The following RERE variants were observed in gnomAD, a reference collection of about 807,000 sequenced individuals.
RERE encodes arginine-glutamic acid dipeptide repeats protein.
RERE carries 40 observed loss-of-function variants against 146.1 expected under a neutral mutation model. That is an observed-to-expected ratio of 0.27 (90% CI 0.21 to 0.36). The LOEUF (loss-of-function observed/expected upper bound fraction) is 0.36, where lower values mean the gene tolerates loss of function less well. Among genes scored for constraint, RERE ranks in the 10% least tolerant of loss-of-function variants. The pLI is 1.00. For synonymous variants in RERE, 1,003 were observed against 866.0 expected, an observed-to-expected ratio of 1.16 and a Z score of -2.78; for missense variants, 1,933 against 2,138.7, an observed-to-expected ratio of 0.90 and a Z score of 1.90.
At chr1:8,800,162 A>T (rs902724198) in intron 1 of RERE, among the ~76,000 whole-genome samples, 27 of 151,724 alleles carry the variant, frequency 1.8e-4, no homozygotes, top group African/African-American at 6.5e-4. Context: ...TCTTCTCCCA[A>T]TGTGGCCCAG....
chr1:8,391,208 C>G (rs1268272754), intron 12 of RERE, among the ~76,000 whole-genome samples: 1 of 152,240 alleles, frequency 6.6e-6, no homozygotes, highest in African/African-American at 2.4e-5. Context: ...ACAGCATGGA[C>G]TTTAAAGCCA....
intron 11 of RERE, among the ~76,000 whole-genome samples, chr1:8,464,123 CTT>C (rs1644563686): frequency 6.6e-6 from 1 of 152,198 alleles, no homozygotes; most frequent in East Asian, 1.9e-4. Context: ...GTTTCTTTCT[CTT>C]TAATAATAAC....
intron 2 of RERE, among the ~76,000 whole-genome samples, chr1:8,635,837 G>C (rs1647091628): frequency 2.0e-5 from 3 of 152,180 alleles, no homozygotes; most frequent in Non-Finnish European, 4.4e-5. Flanking sequence ...TGCCACGTAA[G>C]TGCTGGAGAT....
chr1:8,577,191 T>G (rs374951711), intron 4 of RERE, among the ~76,000 whole-genome samples: 13 of 151,800 alleles, frequency 8.6e-5, no homozygotes, highest in African/African-American at 3.1e-4. Context: ...AAGAAAGAAA[T>G]TTCATATGAC....
chr1:8,591,407 C>A (rs1646491184), intron 4 of RERE, among the ~76,000 whole-genome samples: 1 of 151,116 alleles, frequency 6.6e-6, no homozygotes, highest in Admixed American at 6.6e-5. Flanking sequence ...TTGCAAATGG[C>A]CATCAGCACT....
intron 1 of RERE, among the ~76,000 whole-genome samples, chr1:8,713,991 T>C (rs573476119): frequency 1.3e-5 from 2 of 152,150 alleles, no homozygotes; most frequent in African/African-American, 2.4e-5. Context: ...AAAATACACA[T>C]AGCACATGAA....
At chr1:8,557,577 G>A in intron 4 of RERE, 54 bp from the exon 5 acceptor site, 2 of 1,178,454 alleles carry the variant, frequency 1.7e-6, no homozygotes, top group Non-Finnish European at 1.3e-6. Flanking sequence ...GGCCACAAGT[G>A]CATATCATAC....
Position 8,720,703 on chromosome 1 carries a change from A to G in RERE, c.-144-64262T>C, listed in dbSNP as rs537871791. 9.8e-5 allele frequency among the ~76,000 whole-genome samples: 15 copies of G among 152,338 alleles called. No individual in the cohort carries two copies. The South Asian group carries it at 3.1e-3, about 32-fold the overall frequency. On this transcript the variant is annotated intron_variant, in intron 1 of 22. Coordinates refer to ENST00000400908, the MANE Select transcript of RERE (RefSeq NM_001042681.2). ...TATAATTGTATAACCCCAAGAGTAG[A>G]CAAGAAGCACACATCCCAAAATACG...
intron 3 of RERE, among the ~76,000 whole-genome samples, chr1:8,623,322 G>A (rs762817063): frequency 1.7e-4 from 26 of 152,054 alleles, no homozygotes; most frequent in Non-Finnish European, 3.7e-4. Flanking sequence ...GTACTGGCAC[G>A]CACCTGTAAT....
chr1:8,772,076 AAAT>A (rs1172929543), intron 1 of RERE, among the ~76,000 whole-genome samples: 2 of 152,108 alleles, frequency 1.3e-5, no homozygotes, highest in African/African-American at 2.4e-5. Flanking sequence ...CAATTTTGTA[AAAT>A]AATCCCAATT....
At chr1:8,641,607 A>G (rs1453281334) in intron 2 of RERE, among the ~76,000 whole-genome samples, 1 of 152,150 alleles carries the variant, frequency 6.6e-6, no homozygotes, top group East Asian at 1.9e-4. Flanking sequence ...TCCTTGCCCC[A>G]CTGTTTCTCT....
At chr1:8,674,863 T>C (rs1388210254) in intron 1 of RERE, among the ~76,000 whole-genome samples, 2 of 152,342 alleles carry the variant, frequency 1.3e-5, no homozygotes, top group Non-Finnish European at 2.9e-5. Context: ...TAGTCTCTAG[T>C]GACCCTTCAG....
At chr1:8,389,102 CAT>C (rs532050445) in intron 12 of RERE, among the ~76,000 whole-genome samples, 27 of 152,280 alleles carry the variant, frequency 1.8e-4, no homozygotes, top group Middle Eastern at 3.4e-3. Flanking sequence ...CTTAGAAAGA[CAT>C]GTGTCAGCTG....
In RERE at chr1:8,360,207, G is replaced by T; in HGVS notation, c.3300C>A (p.Asp1100Glu). Residue 1100 changes from aspartate (D) to glutamate (E), a missense_variant, in exon 18 of 23, where the codon GAC becomes GAA. Coordinates refer to ENST00000400908, the MANE Select transcript of RERE (RefSeq NM_001042681.2). ...GAGGGGGGCTCTCAGGCTCCTCAGC[G>T]TCGTCCAGAGCCTCCTCCTTGATCT... ...TVQIKEEALD[D>E]AEEPESPPPP... 6.3e-7 allele frequency: 1 copy of T among 1,591,892 alleles called. No homozygotes were observed. Among genetic ancestry groups the T allele is most frequent in the Non-Finnish European group, 8.5e-7 (1 of 1,170,222 alleles).
At chr1:8,538,968 T>C (rs958186681) in intron 7 of RERE, among the ~76,000 whole-genome samples, 1 of 152,236 alleles carries the variant, frequency 6.6e-6, no homozygotes, top group African/African-American at 2.4e-5. Flanking sequence ...GTGCCTGGTT[T>C]ACAAAGGTAA....
intron 4 of RERE, among the ~76,000 whole-genome samples, chr1:8,596,579 C>T (rs1646557581): frequency 6.6e-6 from 1 of 152,000 alleles, no homozygotes; most frequent in Non-Finnish European, 1.5e-5. Context: ...CAATCATAAG[C>T]TCACTATAAC....
chr1:8,402,158 C>G (rs868715198), intron 12 of RERE, among the ~76,000 whole-genome samples: 1 of 152,220 alleles, frequency 6.6e-6, no homozygotes, highest in East Asian at 1.9e-4. Context: ...TGAGCCGCTG[C>G]GCCCGGCCAA....
At chr1:8,777,815 A>T (rs1463417646) in intron 1 of RERE, among the ~76,000 whole-genome samples, 1 of 151,630 alleles carries the variant, frequency 6.6e-6, no homozygotes, top group African/African-American at 2.4e-5. Context: ...GATTACAGGC[A>T]TGAGCCACCG....
intron 1 of RERE, among the ~76,000 whole-genome samples, chr1:8,784,489 G>A (rs1641225979): frequency 6.6e-6 from 1 of 151,950 alleles, no homozygotes; most frequent in South Asian, 2.1e-4. Context: ...GTTCACTGGT[G>A]TATTCTAAAC....
Sources: allele counts gnomAD v4.1 joint callset (sites outside exome capture counted in the v4.1 genomes callset), GRCh38; gene constraint gnomAD v4.1.1; transcripts MANE v1.5; gene names NCBI Gene and HGNC (gene_info 2026-07-23, HGNC 2026-07-21).